PTAR1: variants seen among roughly 807,000 people sequenced by gnomAD.
PTAR1 encodes protein prenyltransferase alpha subunit repeat-containing protein 1.
Under a neutral mutation model 45.5 loss-of-function variants are expected in PTAR1, and 17 were observed. That is an observed-to-expected ratio of 0.37 (90% CI 0.26 to 0.56). The LOEUF (loss-of-function observed/expected upper bound fraction) is 0.56, where lower values mean the gene tolerates loss of function less well. Among genes scored for constraint, PTAR1 ranks in the 20% least tolerant of loss-of-function variants. The pLI is 0.77. For synonymous variants in PTAR1, 169 were observed against 171.3 expected, an observed-to-expected ratio of 0.99 and a Z score of 0.11; for missense variants, 391 against 476.3, an observed-to-expected ratio of 0.82 and a Z score of 1.67.
chr9:69,734,994 AC>A (rs1825719589), intron 3 of PTAR1, among the ~76,000 whole-genome samples: 2 of 152,166 alleles, frequency 1.3e-5, no homozygotes, highest in African/African-American at 4.8e-5. Context: ...TTATTTTAAA[AC>A]AAATCTGGGC....
intron 1 of PTAR1, among the ~76,000 whole-genome samples, chr9:69,751,581 A>C (rs1826536107): frequency 6.6e-6 from 1 of 152,030 alleles, no homozygotes; most frequent in Non-Finnish European, 1.5e-5. Flanking sequence ...GTAAGGAAGG[A>C]TTTTATTTTT....
chr9:69,709,676 A>C lies in PTAR1; in HGVS notation c.*8666T>G, dbSNP rs146950951. ...AAATCTAATGGAAAAAGAATATTTCATTCTACTTTTCTGCCACTTATCACA... is the reference window on the plus strand; with the variant it reads ...AAATCTAATGGAAAAAGAATATTTCCTTCTACTTTTCTGCCACTTATCACA... On this transcript the variant is annotated 3_prime_UTR_variant, in exon 8 of 8. Transcript: ENST00000340434. The C allele has an allele frequency of 6.6e-5, 10 of 152,300 alleles. No individual in the cohort carries two copies. The highest frequency in any genetic ancestry group is 2.2e-4 in the African/African-American group (9 of 41,576). The allele number at this position is 152,300 out of a possible 1,614,324, so 9.4% of individuals were successfully genotyped here. A position where few individuals can be genotyped will look rare whatever the true frequency, so the allele number is the denominator to read the frequency against.
rs575445912 is a variant in PTAR1, at chr9:69,758,684, T to A, written c.86+1169A>T. On this transcript the variant is annotated intron_variant, in intron 1 of 7. Coordinates refer to ENST00000340434, the MANE Select transcript of PTAR1 (RefSeq NM_001099666.2). ...GGGAGCAAAACATCCAACGGCTTCT[T>A]AACTGTTTTACAATCATCACCTTGG... 33 of 416,774 alleles carry A rather than the reference T, an allele frequency of 7.9e-5. 2 individuals carry two copies. Among genetic ancestry groups the A allele is most frequent in the South Asian group, 4.9e-4 (29 of 58,616 alleles). The allele number at this position is 416,774 out of a possible 1,614,324, so 25.8% of individuals were successfully genotyped here.
In PTAR1 at chr9:69,744,722, CATAA is replaced by C. The variant is rs1444772057; in HGVS notation, c.257-2868_257-2865del. On this transcript the variant is annotated intron_variant, in intron 2 of 7. Transcript: ENST00000340434. ...ATGCGTATCTTACTTTTGTTACTTA[CATAA>C]ATATTGTCCTCTTAACTGGACCACA... Among the ~76,000 whole-genome samples the C allele has an allele frequency of 2.0e-5, 3 of 152,258 alleles. No individual in the cohort carries two copies. The South Asian group carries it at 6.2e-4, about 32-fold the overall frequency.
chr9:69,733,340 C>T (rs1176569780), intron 4 of PTAR1, among the ~76,000 whole-genome samples: 1 of 152,096 alleles, frequency 6.6e-6, no homozygotes, highest in African/African-American at 2.4e-5. Flanking sequence ...TAACTAAAGG[C>T]ACGATTACCA....
intron 6 of PTAR1, 117 bp from the exon 7 acceptor site, chr9:69,718,801 A>T: frequency 1.5e-6 from 1 of 677,580 alleles, no homozygotes; most frequent in Non-Finnish European, 2.4e-6. Flanking sequence ...TGCCCATTTC[A>T]TAACCAAGTT....
In PTAR1 at chr9:69,712,315, A is replaced by G. The variant is rs1824553122; in HGVS notation, c.*6027T>C. 1 of 152,168 alleles carries G rather than the reference A, an allele frequency of 6.6e-6. No individual in the cohort carries two copies. Among genetic ancestry groups the G allele is most frequent in the Non-Finnish European group, 1.5e-5 (1 of 68,016 alleles). 9.4% of individuals were successfully genotyped at this position (152,168 alleles called of 1,614,324 possible). On this transcript the variant is annotated 3_prime_UTR_variant, in exon 8 of 8. Coordinates refer to ENST00000340434, the MANE Select transcript of PTAR1 (RefSeq NM_001099666.2). Reference sequence around the variant, plus strand: ...ACATAACTATCTGGTTAATTTGGGCAAATGAGCACTTGTGTTTGGTTTCTA... The same window carrying G: ...ACATAACTATCTGGTTAATTTGGGCGAATGAGCACTTGTGTTTGGTTTCTA...
At chr9:69,753,909 A>G (rs1826643826) in intron 1 of PTAR1, among the ~76,000 whole-genome samples, 1 of 152,188 alleles carries the variant, frequency 6.6e-6, no homozygotes, top group Admixed American at 6.5e-5. Context: ...GAAACCAAAT[A>G]ATGTCATGTG....
intron 6 of PTAR1, among the ~76,000 whole-genome samples, chr9:69,720,757 T>C (rs1393306677): frequency 6.6e-6 from 1 of 152,218 alleles, no homozygotes; most frequent in Non-Finnish European, 1.5e-5. Flanking sequence ...ATTCCAATAA[T>C]CTTAGGGCCC....
Position 69,714,306 on chromosome 9 carries a change from T to G in PTAR1, c.*4036A>C, listed in dbSNP as rs1346667667. The G allele has an allele frequency of 6.9e-6, 1 of 145,590 alleles. No individual in the cohort carries two copies. The highest frequency in any genetic ancestry group is 1.5e-5 in the Non-Finnish European group (1 of 66,560). 9.0% of individuals were successfully genotyped at this position (145,590 alleles called of 1,614,324 possible). A position where few individuals can be genotyped will look rare whatever the true frequency, so the allele number is the denominator to read the frequency against. On this transcript the variant is annotated 3_prime_UTR_variant, in exon 8 of 8. Coordinates refer to ENST00000340434, the MANE Select transcript of PTAR1 (RefSeq NM_001099666.2). ...AAAATATAATTTTCCAGTAGCAAAA[T>G]AATAGTTAGCTTAAAACAGCTTTTT...
intron 1 of PTAR1, among the ~76,000 whole-genome samples, chr9:69,758,917 T>C (rs1826937309): frequency 6.6e-6 from 1 of 151,436 alleles, no homozygotes; most frequent in South Asian, 2.1e-4. Context: ...AATGCAGAAC[T>C]GGATGCCATG....
At chr9:69,734,285 A>T in intron 3 of PTAR1, 31 bp from the exon 4 acceptor site, 3 of 991,330 alleles carry the variant, frequency 3.0e-6, no homozygotes, top group East Asian at 2.8e-5. Context: ...AAAAAAAAAA[A>T]TTAAACATTA....
intron 4 of PTAR1, among the ~76,000 whole-genome samples, chr9:69,733,327 T>C (rs1254539784): frequency 6.6e-6 from 1 of 152,132 alleles, no homozygotes; most frequent in Non-Finnish European, 1.5e-5. Flanking sequence ...TGACCTGCAA[T>C]GTTAACTAAA....
intron 1 of PTAR1, 92 bp downstream of exon 1, chr9:69,759,761 T>G (rs2274745): frequency 0.94 from 1,216,845 of 1,299,334 alleles, 570,735 homozygotes; most frequent in Middle Eastern, 0.96. Context: ...CAGGACCCGC[T>G]GTCCGCCCGC....
In PTAR1 at chr9:69,710,823, T is replaced by A. The variant is rs538800866; in HGVS notation, c.*7519A>T. On this transcript the variant is annotated 3_prime_UTR_variant, in exon 8 of 8. Transcript: ENST00000340434. ...CCAATGCCTGACCCTGCACCATAGATTATATATGTAACTTTTCCATTTAAA... is the reference window on the plus strand; with the variant it reads ...CCAATGCCTGACCCTGCACCATAGAATATATATGTAACTTTTCCATTTAAA... 41 of 152,226 alleles carry A rather than the reference T, an allele frequency of 2.7e-4. No individual in the cohort carries two copies. The highest frequency in any genetic ancestry group is 9.6e-4 in the African/African-American group (40 of 41,530). 9.4% of individuals were successfully genotyped at this position (152,226 alleles called of 1,614,324 possible). A position where few individuals can be genotyped will look rare whatever the true frequency, so the allele number is the denominator to read the frequency against.
intron 1 of PTAR1, among the ~76,000 whole-genome samples, chr9:69,753,121 T>A (rs533227691): frequency 1.4e-5 from 2 of 142,398 alleles, no homozygotes; most frequent in Non-Finnish European, 3.1e-5. Context: ...TTTCTGGGTA[T>A]GGTTTGTTTT....
intron 3 of PTAR1, among the ~76,000 whole-genome samples, chr9:69,736,828 CT>C (rs1373024871): frequency 6.6e-6 from 1 of 152,040 alleles, no homozygotes; most frequent in Non-Finnish European, 1.5e-5. Context: ...CCGTTAATAT[CT>C]TTATTTTGAA....
chr9:69,718,303 G>T lies in PTAR1; in HGVS notation c.*39C>A. 1.4e-6 allele frequency: 2 copies of T among 1,386,758 alleles called. No individual in the cohort carries two copies. Among genetic ancestry groups the T allele is most frequent in the Non-Finnish European group, 2.0e-6 (2 of 1,010,010 alleles). The allele number at this position is 1,386,758 out of a possible 1,614,324, so 85.9% of individuals were successfully genotyped here. A position where few individuals can be genotyped will look rare whatever the true frequency, so the allele number is the denominator to read the frequency against. On this transcript the variant is annotated 3_prime_UTR_variant, in exon 8 of 8. Transcript: ENST00000340434. The stretch of plus-strand genomic sequence containing the variant: ...GTAAATAATAAAAGAAAGCAATATT[G>T]CACTAAAAGGGGAACCTTGTAGGAC...
At chr9:69,750,221 G>A (rs1040073320) in intron 2 of PTAR1, among the ~76,000 whole-genome samples, 1 of 151,808 alleles carries the variant, frequency 6.6e-6, no homozygotes, top group Non-Finnish European at 1.5e-5. Context: ...AGTGAATGCC[G>A]GATAGTTTTG....
Sources: allele counts gnomAD v4.1 joint callset (sites outside exome capture counted in the v4.1 genomes callset), GRCh38; gene constraint gnomAD v4.1.1; transcripts MANE v1.5; gene names NCBI Gene and HGNC (gene_info 2026-07-23, HGNC 2026-07-21).